MYO18B: variants seen among roughly 807,000 people sequenced by gnomAD.
MYO18B encodes the protein unconventional myosin-XVIIIb.
In MYO18B, 204 loss-of-function variants were observed where a neutral mutation model predicts 273.0. The observed-to-expected ratio is 0.75, with a 90% CI of 0.67 to 0.84. MYO18B has a LOEUF of 0.84. MYO18B is among the 40% of genes least tolerant of loss of function. MYO18B has a pLI of 0.00. For missense variants in MYO18B, 3,212 were observed against 3,287.6 expected (o/e 0.98, Z 0.56); for synonymous variants, 1,330 against 1,305.7 (o/e 1.02, Z -0.40).
chr22:25,884,080 G>A lies in MYO18B; in HGVS notation c.4314+6032G>A, dbSNP rs115157910. Among the ~76,000 whole-genome samples, 433 of 152,262 alleles carry A rather than the reference G, an allele frequency of 2.8e-3. 2 individuals are homozygous for A. Among genetic ancestry groups the A allele is most frequent in the African/African-American group, 1.0e-2 (415 of 41,556 alleles). ...AGACCTTATTTATGGCAAAAGACAG[G>A]CCCATGCACTCCTCATTTCTGGCCT... On this transcript the variant is annotated intron_variant, in intron 25 of 43. Coordinates refer to ENST00000335473, the MANE Select transcript of MYO18B (RefSeq NM_032608.7).
At chr22:25,904,376 G>A (rs964356997) in intron 31 of MYO18B, among the ~76,000 whole-genome samples, 5 of 152,072 alleles carry the variant, frequency 3.3e-5, no homozygotes, top group Non-Finnish European at 5.9e-5. Context: ...CACATCTCAC[G>A]AATCTCCACA....
rs942242916 is a variant in MYO18B at position 25,883,014 on chromosome 22, A to AG, written c.4314+4967dup. 7.2e-5 allele frequency among the ~76,000 whole-genome samples: 11 copies of AG among 152,052 alleles called. No homozygotes were observed. The highest frequency in any genetic ancestry group is 1.5e-4 in the Non-Finnish European group (10 of 68,006). On this transcript the variant is annotated intron_variant, in intron 25 of 43. Coordinates refer to ENST00000335473, the MANE Select transcript of MYO18B (RefSeq NM_032608.7). This position sits in a 1 kb window ranked among gnomAD's most constrained non-coding sequence, Gnocchi z 7.6. The stretch of plus-strand genomic sequence containing the variant: ...TGGGCTAAAGCGAACCTCCTACTTC[A>AG]GCCTCCCATGTAGCCAGGACCACAG...
intron 3 of MYO18B, among the ~76,000 whole-genome samples, chr22:25,766,893 C>G (rs2086525207): frequency 6.6e-6 from 1 of 152,178 alleles, no homozygotes; most frequent in African/African-American, 2.4e-5. Flanking sequence ...GACAGCAGTT[C>G]ACGGGCTGTG....
intron 39 of MYO18B, among the ~76,000 whole-genome samples, chr22:25,991,686 C>G (rs559060669): frequency 6.5e-4 from 99 of 152,318 alleles, no homozygotes; most frequent in Non-Finnish European, 1.2e-3. Context: ...CTTCTTAAGG[C>G]CTCAGTTCCT....
downstream of MYO18B, among the ~76,000 whole-genome samples, chr22:26,032,517 G>GTT (rs869157490): frequency 0.074 from 8,728 of 117,538 alleles, 670 homozygotes; most frequent in African/African-American, 0.18. Context: ...TAATCACCCT[G>GTT]TTTTTTTTTT....
At chr22:25,836,133 A>C (rs1444125855) in intron 17 of MYO18B, among the ~76,000 whole-genome samples, 1 of 152,112 alleles carries the variant, frequency 6.6e-6, no homozygotes, top group Non-Finnish European at 1.5e-5. Context: ...AGGGGGAGCA[A>C]GAGGGGAGAT....
chr22:25,916,220 T>A (rs1454450565), intron 33 of MYO18B, among the ~76,000 whole-genome samples: 1 of 152,168 alleles, frequency 6.6e-6, no homozygotes, highest in Non-Finnish European at 1.5e-5. Flanking sequence ...ACTTTTGAGT[T>A]ATTTTGTGGT....
intron 21 of MYO18B, among the ~76,000 whole-genome samples, chr22:25,858,686 G>T (rs1430572560): frequency 1.3e-5 from 2 of 152,154 alleles, no homozygotes; most frequent in Non-Finnish European, 2.9e-5. Context: ...CCAAAATCTG[G>T]GCTCAATTTG....
rs147034616 is a variant in MYO18B, at chr22:25,956,677, G to A, written c.6156+1313G>A. ...GATATCACTAAGGTTCCAGATTTCT[G>A]ATTCTGTGACCTGGGGTGTATCTGG... On this transcript the variant is annotated intron_variant, in intron 39 of 43. Coordinates refer to ENST00000335473, the MANE Select transcript of MYO18B (RefSeq NM_032608.7). Among the ~76,000 whole-genome samples the A allele has an allele frequency of 2.1e-3, 321 of 152,240 alleles. 1 individual carries two copies. The highest frequency in any genetic ancestry group is 7.4e-3 in the African/African-American group (306 of 41,542).
In MYO18B at chr22:25,835,215, C is replaced by T. The variant is rs1361241109; in HGVS notation, c.3061-81C>T. ...CACTTGGGACTTGGATGCTCTCATT[C>T]CCTATCGGTGGGAAGAGAAGCCCAA... On this transcript the variant is annotated intron_variant, in intron 16 of 43. Coordinates refer to ENST00000335473, the MANE Select transcript of MYO18B (RefSeq NM_032608.7). 13 of 1,488,154 alleles carry T rather than the reference C, an allele frequency of 8.7e-6. No individual in the cohort carries two copies. The East Asian group carries it at 2.4e-4, about 27-fold the overall frequency. 92.2% of individuals were successfully genotyped at this position (1,488,154 alleles called of 1,614,324 possible).
At chr22:25,742,983 C>T (rs2085672607) in intron 1 of MYO18B, among the ~76,000 whole-genome samples, 1 of 152,246 alleles carries the variant, frequency 6.6e-6, no homozygotes, top group Non-Finnish European at 1.5e-5. Context: ...TATGCTTTGA[C>T]ATGGAGCTCT....
the MYO18B span, among the ~76,000 whole-genome samples, chr22:26,041,451 G>A: frequency 5.3e-5 from 8 of 151,740 alleles, no homozygotes; most frequent in East Asian, 1.5e-3. Flanking sequence ...AGAATTGCTT[G>A]AACCCAGGAG....
chr22:25,911,688 A>G lies in MYO18B; in HGVS notation c.5364+638A>G, dbSNP rs552529948. On this transcript the variant is annotated intron_variant, in intron 33 of 43. Coordinates refer to ENST00000335473, the MANE Select transcript of MYO18B (RefSeq NM_032608.7). ...AGCATCCCTGACCTCTACCCACCACATTGCAGTAGCCCACACCTCAGTTGT... is the reference window on the plus strand; with the variant it reads ...AGCATCCCTGACCTCTACCCACCACGTTGCAGTAGCCCACACCTCAGTTGT... Among the ~76,000 whole-genome samples, 190 of 152,330 alleles carry G rather than the reference A, an allele frequency of 1.2e-3. 1 individual carries two copies. The highest frequency in any genetic ancestry group is 4.2e-3 in the African/African-American group (176 of 41,568).
intron 33 of MYO18B, 48 bp from the exon 34 acceptor site, chr22:25,921,209 G>T: frequency 6.6e-7 from 1 of 1,521,270 alleles, no homozygotes; most frequent in South Asian, 1.2e-5. Context: ...CTTAGACCCT[G>T]GCCACTGCTT....
At position 25,835,397 on chromosome 22, in the gene MYO18B, C is replaced by T. The variant is rs374586375; in HGVS notation, c.3162C>T (p.Leu1054=). Residue 1054 remains leucine (L), a synonymous_variant, in exon 17 of 44, where the codon CTC becomes CTT. Coordinates refer to ENST00000335473, the MANE Select transcript of MYO18B (RefSeq NM_032608.7). ...HVEGSSDSVV[L]ERLCAAFEKK... ...AGGGCTCCAGTGACAGTGTGGTGCTCGAGCGTCTGTGTGCTGCTTTCGAGA... is the reference window on the plus strand; with the variant it reads ...AGGGCTCCAGTGACAGTGTGGTGCTTGAGCGTCTGTGTGCTGCTTTCGAGA... The T allele has an allele frequency of 2.6e-5, 42 of 1,613,772 alleles. No individual in the cohort carries two copies. The highest frequency in any genetic ancestry group is 1.2e-4 in the Admixed American group (7 of 59,996).
chr22:25,778,535 A>C (rs1422942939), intron 8 of MYO18B, among the ~76,000 whole-genome samples: 3 of 152,098 alleles, frequency 2.0e-5, no homozygotes, highest in African/African-American at 7.2e-5. Flanking sequence ...GCTGGAGTGC[A>C]GTGGTGTGAT....
At chr22:25,754,810 G>A (rs1213113961) in intron 1 of MYO18B, among the ~76,000 whole-genome samples, 1 of 152,244 alleles carries the variant, frequency 6.6e-6, no homozygotes, top group African/African-American at 2.4e-5. Context: ...CATGAGGGGT[G>A]AGGCCCCACA....
At chr22:25,750,014 T>C (rs920725136) in intron 1 of MYO18B, among the ~76,000 whole-genome samples, 3 of 152,218 alleles carry the variant, frequency 2.0e-5, no homozygotes, top group Non-Finnish European at 4.4e-5. Context: ...AGCTGAGTCA[T>C]TGTAACAGAG....
intron 11 of MYO18B, among the ~76,000 whole-genome samples, chr22:25,788,004 C>A (rs1489280260): frequency 2.0e-5 from 3 of 152,200 alleles, no homozygotes; most frequent in African/African-American, 7.2e-5. Context: ...TTCCCCCAAC[C>A]TGACCTGTTT....
Sources: allele counts gnomAD v4.1 joint callset (sites outside exome capture counted in the v4.1 genomes callset), GRCh38; gene constraint gnomAD v4.1.1; non-coding constraint Gnocchi (gnomAD v3.1); transcripts MANE v1.5; gene names NCBI Gene and HGNC (gene_info 2026-07-23, HGNC 2026-07-21).